Variants in TMCC3 observed in about 807,000 individuals in gnomAD.
TMCC3 encodes the protein transmembrane and coiled-coil domain family 3.
In TMCC3, 28 loss-of-function variants were observed where a neutral mutation model predicts 40.2. The ratio of observed to expected loss-of-function variants is 0.70; its 90% CI spans 0.52 to 0.95. The LOEUF is 0.95. TMCC3 is among the 40% of genes least tolerant of loss of function. The pLI, the probability that TMCC3 is intolerant of heterozygous loss-of-function variation, is 0.00. For missense variants in TMCC3, 554 were observed against 615.2 expected (o/e 0.90, Z 1.05); for synonymous variants, 255 against 248.5 (o/e 1.03, Z -0.25).
At chr12:94,573,910 T>C (rs566787563) in intron 3 of TMCC3, among the ~76,000 whole-genome samples, 10 of 152,142 alleles carry the variant, frequency 6.6e-5, no homozygotes, top group Non-Finnish European at 1.3e-4. Flanking sequence ...TCCTGATCCA[T>C]GAGATGAGAT....
At chr12:94,599,419 A>G (rs2068737806) in intron 1 of TMCC3, among the ~76,000 whole-genome samples, 1 of 152,142 alleles carries the variant, frequency 6.6e-6, no homozygotes, top group Non-Finnish European at 1.5e-5. Flanking sequence ...GTGTGTACAC[A>G]AACTGCTGCT....
Position 94,616,574 on chromosome 12 carries a change from C to T in TMCC3, c.78+33779G>A, listed in dbSNP as rs117590715. ...CTGGGGAGGCAAAGGGGCATAGCCG[C>T]CTCCTGGCGTAGTGGCCGGGGGAGA... On this transcript the variant is annotated intron_variant, in intron 1 of 3. Transcript: ENST00000261226. Among the ~76,000 whole-genome samples the T allele has an allele frequency of 9.7e-3, 1,479 of 152,320 alleles. 7 individuals are homozygous for T. The highest frequency in any genetic ancestry group is 0.016 in the Non-Finnish European group (1,106 of 68,028).
chr12:94,577,926 C>T (rs937189657), intron 3 of TMCC3, among the ~76,000 whole-genome samples: 2 of 151,896 alleles, frequency 1.3e-5, no homozygotes, highest in Admixed American at 6.6e-5. Context: ...GTGGGCAGAT[C>T]ACTTGAGGTC....
intron 1 of TMCC3, among the ~76,000 whole-genome samples, chr12:94,627,438 C>T (rs1047363079): frequency 3.9e-5 from 6 of 152,190 alleles, no homozygotes; most frequent in African/African-American, 1.4e-4. Context: ...AGCCCATGCC[C>T]ACCTACAATT....
chr12:94,620,781 A>G (rs914178318), intron 1 of TMCC3, among the ~76,000 whole-genome samples: 1 of 152,230 alleles, frequency 6.6e-6, no homozygotes, highest in Non-Finnish European at 1.5e-5. Flanking sequence ...GGTCTGCTTT[A>G]GCAGTTAATG....
intron 2 of TMCC3, 60 bp from the exon 3 acceptor site, chr12:94,578,589 T>A (rs755260541): frequency 8.4e-6 from 13 of 1,547,824 alleles, no homozygotes; most frequent in African/African-American, 1.4e-5. Context: ...TGGAACGATG[T>A]CCTTTTTATC....
rs200170998 is a variant in TMCC3, at chr12:94,581,798, A to C, written c.819T>G (p.Phe273Leu). Residue 273 changes from phenylalanine (F) to leucine (L), a missense_variant, in exon 2 of 4, where the codon TTT becomes TTG. Transcript: ENST00000261226. ...GSADSNGNQS[F>L]GAGGASTLDS... The stretch of plus-strand genomic sequence containing the variant: ...CCAGTGTGCTGGCTCCACCAGCCCC[A>C]AACGACTGGTTTCCGTTACTGTCGG... 6.2e-7 allele frequency: 1 copy of C among 1,614,016 alleles called. No homozygotes were observed. Among genetic ancestry groups the C allele is most frequent in the Admixed American group, 1.7e-5 (1 of 60,006 alleles).
At chr12:94,572,406 GT>G (rs1293795107) in intron 3 of TMCC3, among the ~76,000 whole-genome samples, 14 of 147,106 alleles carry the variant, frequency 9.5e-5, no homozygotes, top group African/African-American at 3.5e-4. Flanking sequence ...TGCCTTCTGG[GT>G]TTAAGCAATT....
In TMCC3 at chr12:94,581,933, C is replaced by T. The variant is rs144630569; in HGVS notation, c.684G>A (p.Glu228=). The T allele has an allele frequency of 3.0e-5, 48 of 1,614,128 alleles. No homozygotes were observed. The highest frequency in any genetic ancestry group is 1.2e-4 in the South Asian group (11 of 91,092). The change falls in exon 2 of 4, where the codon GAG becomes GAA. Residue 228 remains glutamate, a synonymous_variant. Coordinates refer to ENST00000261226, the MANE Select transcript of TMCC3 (RefSeq NM_020698.4). The part of the protein sequence containing the change: ...DNIAHLKNSL[E]EFRPEASARA... ...TGGCACTCGCCTCTGGCCTAAACTCCTCTAAGGAATTTTTCAAGTGAGCAA... is the reference window on the plus strand; with the variant it reads ...TGGCACTCGCCTCTGGCCTAAACTCTTCTAAGGAATTTTTCAAGTGAGCAA...
intron 1 of TMCC3, among the ~76,000 whole-genome samples, chr12:94,645,271 G>A (rs149207022): frequency 2.0e-5 from 3 of 152,190 alleles, no homozygotes; most frequent in Non-Finnish European, 4.4e-5. Context: ...GAAACATGAC[G>A]CAAGGAGGCA....
At chr12:94,579,975 TTG>T (rs1338304821) in intron 2 of TMCC3, among the ~76,000 whole-genome samples, 1 of 152,238 alleles carries the variant, frequency 6.6e-6, no homozygotes, top group African/African-American at 2.4e-5. Flanking sequence ...AATATAATTC[TTG>T]TGTGACAAAG....
intron 1 of TMCC3, among the ~76,000 whole-genome samples, chr12:94,601,042 T>C (rs1415428975): frequency 1.3e-5 from 2 of 152,214 alleles, no homozygotes; most frequent in Admixed American, 6.5e-5. Flanking sequence ...TGTGCACATA[T>C]ACATGCACAC....
At chr12:94,639,287 A>T (rs943608870) in intron 1 of TMCC3, among the ~76,000 whole-genome samples, 1 of 152,218 alleles carries the variant, frequency 6.6e-6, no homozygotes, top group South Asian at 2.1e-4. Flanking sequence ...TATTGAATTA[A>T]ATCAATTGAT....
intron 1 of TMCC3, among the ~76,000 whole-genome samples, chr12:94,602,735 G>A (rs1594282407): frequency 2.6e-5 from 4 of 152,180 alleles, no homozygotes; most frequent in East Asian, 1.9e-4. Flanking sequence ...CTACAGGAGT[G>A]CACCATCATG....
chr12:94,635,357 T>C (rs1237687697), intron 1 of TMCC3, among the ~76,000 whole-genome samples: 3 of 152,162 alleles, frequency 2.0e-5, no homozygotes, highest in Admixed American at 6.6e-5. Flanking sequence ...GTTCCTGCTC[T>C]TCCATCTCCC....
At chr12:94,583,887 C>A (rs1566316681) in intron 1 of TMCC3, among the ~76,000 whole-genome samples, 1 of 152,218 alleles carries the variant, frequency 6.6e-6, no homozygotes, top group East Asian at 1.9e-4. Flanking sequence ...ACACAATCTA[C>A]AAACAAGTCT....
chr12:94,633,808 A>G lies in TMCC3; in HGVS notation c.78+16545T>C, dbSNP rs139592861. Among the ~76,000 whole-genome samples the G allele has an allele frequency of 1.2e-3, 187 of 152,364 alleles. 4 individuals are homozygous for G. The highest frequency in any genetic ancestry group is 1.2e-3 in the East Asian group (6 of 5,194). ...TTATTTTAAAGAATTATTCACTAAC[A>G]GTTCGCTGAATGAGTTACTAACAAG... On this transcript the variant is annotated intron_variant, in intron 1 of 3. Transcript: ENST00000261226.
rs1392490902 is a variant in TMCC3, at chr12:94,624,346, A to G, written c.78+26007T>C. On this transcript the variant is annotated intron_variant, in intron 1 of 3. Transcript: ENST00000261226. ...CTTACACAGAAGTGTTCATAGCAAC[A>G]TTATTCTTCATAGCCAAAAAGTGAA... Among the ~76,000 whole-genome samples the G allele has an allele frequency of 2.6e-5, 4 of 152,234 alleles. No homozygotes were observed. In the East Asian group the frequency reaches 5.8e-4, roughly 22 times the overall value.
chr12:94,598,401 T>G (rs967663004), intron 1 of TMCC3, among the ~76,000 whole-genome samples: 1 of 152,132 alleles, frequency 6.6e-6, no homozygotes, highest in Non-Finnish European at 1.5e-5. Flanking sequence ...GTGAAAAATA[T>G]GTATGATAGA....
Sources: gnomAD v4.1 joint callset for allele counts (sites outside exome capture counted in the v4.1 genomes callset) on GRCh38, gnomAD v4.1.1 for gene constraint, MANE v1.5 for transcripts, NCBI Gene and HGNC (gene_info 2026-07-23, HGNC 2026-07-21) for gene names.